CEP112: variants seen among roughly 807,000 people sequenced by gnomAD.
CEP112 encodes centrosomal protein 112.
Under a neutral mutation model 153.0 loss-of-function variants are expected in CEP112, and 127 were observed. The ratio of observed to expected loss-of-function variants is 0.83; its 90% CI spans 0.72 to 0.96. The LOEUF is 0.96. CEP112 is among the 40% of genes least tolerant of loss of function. The pLI, the probability that CEP112 is intolerant of heterozygous loss-of-function variation, is 0.00. For missense variants in CEP112, 1,089 were observed against 1,101.2 expected (o/e 0.99, Z 0.16); for synonymous variants, 358 against 374.4 (o/e 0.96, Z 0.51).
chr17:65,747,701 C>T (rs745792392), intron 22 of CEP112, among the ~76,000 whole-genome samples: 6 of 151,926 alleles, frequency 3.9e-5, no homozygotes, highest in Non-Finnish European at 7.4e-5. Context: ...GGGGGCGTGC[C>T]CAGAGATGAT....
In CEP112 at chr17:65,920,372, T is replaced by A. The variant is rs1316617585; in HGVS notation, c.1980+7210A>T. On this transcript the variant is annotated intron_variant, in intron 19 of 26. Transcript: ENST00000535342. ...AAAACAAACAAACAAAATATATATA[T>A]ATATATATATATATATATATATATA... 5.7e-4 allele frequency among the ~76,000 whole-genome samples: 42 copies of A among 73,120 alleles called. 1 individual carries two copies. The highest frequency in any genetic ancestry group is 2.6e-3 in the African/African-American group (40 of 15,556). The allele number at this position is 73,120 out of a possible 152,430, so 48.0% of individuals were successfully genotyped here.
chr17:65,844,806 G>A (rs1291013435), intron 21 of CEP112, among the ~76,000 whole-genome samples: 2 of 151,708 alleles, frequency 1.3e-5, no homozygotes, highest in Non-Finnish European at 2.9e-5. Context: ...ACGAGGTCAG[G>A]AGATCAAGAC....
At chr17:65,825,211 A>T (rs2056781137) in intron 21 of CEP112, among the ~76,000 whole-genome samples, 1 of 152,250 alleles carries the variant, frequency 6.6e-6, no homozygotes, top group African/African-American at 2.4e-5. Context: ...CATTATGGTA[A>T]GTGAAATAAG....
Position 66,053,849 on chromosome 17 carries a change from C to G in CEP112, c.1105G>C (p.Glu369Gln). 2 of 1,613,224 alleles carry G rather than the reference C, an allele frequency of 1.2e-6. No homozygotes were observed. The highest frequency in any genetic ancestry group is 1.7e-6 in the Non-Finnish European group (2 of 1,179,500). ...LHNAVAEMEQEKFDLQKQHTE... is the reference protein window; with the variant it reads ...LHNAVAEMEQQKFDLQKQHTE... ...TGTTGCTTTTGAAGATCAAACTTTT[C>G]CTGTTCCATTTCTGCTACAGCATTG... The change falls in exon 12 of 27, where the codon GAA becomes CAA. Residue 369 changes from glutamate (E) to glutamine (Q), a missense_variant. Physicochemically the swap from Glu to Gln is conservative, Grantham distance 29. Coordinates refer to ENST00000535342, the MANE Select transcript of CEP112 (RefSeq NM_001199165.4).
At chr17:65,935,528 G>A (rs891497066) in intron 18 of CEP112, among the ~76,000 whole-genome samples, 1 of 152,098 alleles carries the variant, frequency 6.6e-6, no homozygotes, top group South Asian at 2.1e-4. Context: ...TACAAAACAA[G>A]TCTTAACAAA....
chr17:65,986,250 C>A (rs1487256912), intron 17 of CEP112, among the ~76,000 whole-genome samples: 1 of 152,070 alleles, frequency 6.6e-6, no homozygotes, highest in African/African-American at 2.4e-5. Context: ...TGGGCAGAAT[C>A]TCCAACAACT....
intron 19 of CEP112, among the ~76,000 whole-genome samples, chr17:65,909,799 T>C (rs2060217570): frequency 6.6e-6 from 1 of 152,180 alleles, no homozygotes; most frequent in African/African-American, 2.4e-5. Context: ...GATTCTGACA[T>C]GGTTTGGTGA....
At chr17:66,104,808 G>A (rs2068713771) in intron 6 of CEP112, among the ~76,000 whole-genome samples, 1 of 151,950 alleles carries the variant, frequency 6.6e-6, no homozygotes, top group African/African-American at 2.4e-5. Context: ...CTTTTATCCT[G>A]GAATAGTATA....
intron 4 of CEP112, among the ~76,000 whole-genome samples, chr17:66,145,938 A>T (rs2070898497): frequency 6.6e-6 from 1 of 152,044 alleles, no homozygotes; most frequent in South Asian, 2.1e-4. Flanking sequence ...TAAAACTATG[A>T]TGAAATACAT....
intron 20 of CEP112, among the ~76,000 whole-genome samples, chr17:65,863,867 G>A (rs1437458442): frequency 6.6e-6 from 1 of 151,692 alleles, no homozygotes; most frequent in African/African-American, 2.4e-5. Context: ...TCCACGGCCA[G>A]GCACAGTGGC....
chr17:66,031,563 A>G (rs1161140021), intron 12 of CEP112, among the ~76,000 whole-genome samples: 2 of 148,736 alleles, frequency 1.3e-5, no homozygotes, highest in Non-Finnish European at 3.0e-5. Flanking sequence ...GGCTCAGGTG[A>G]TCCTCCCACC....
chr17:65,911,332 T>C (rs560238707), intron 19 of CEP112, among the ~76,000 whole-genome samples: 1 of 152,216 alleles, frequency 6.6e-6, no homozygotes, highest in Non-Finnish European at 1.5e-5. Flanking sequence ...TAAATAATAC[T>C]ATGGTTGACA....
intron 21 of CEP112, among the ~76,000 whole-genome samples, chr17:65,793,203 G>A (rs1046444610): frequency 6.6e-6 from 1 of 152,144 alleles, no homozygotes; most frequent in Non-Finnish European, 1.5e-5. Context: ...TCCATTGTTT[G>A]GGTAGTACAG....
chr17:66,169,743 T>TTA (rs750463453), intron 4 of CEP112, among the ~76,000 whole-genome samples: 8 of 152,142 alleles, frequency 5.3e-5, no homozygotes, highest in East Asian at 1.9e-4. Flanking sequence ...TAAACATGTA[T>TTA]TATATATATA....
chr17:65,747,507 G>C (rs756352557), intron 22 of CEP112, among the ~76,000 whole-genome samples: 1 of 152,164 alleles, frequency 6.6e-6, no homozygotes, highest in Non-Finnish European at 1.5e-5. Context: ...ATGGCCACTA[G>C]GTGACTAGGC....
intron 16 of CEP112, among the ~76,000 whole-genome samples, chr17:66,010,045 T>C (rs1309936979): frequency 6.6e-6 from 1 of 152,168 alleles, no homozygotes; most frequent in African/African-American, 2.4e-5. Flanking sequence ...TGTAAATTTT[T>C]TAGGGGAGTA....
intron 16 of CEP112, among the ~76,000 whole-genome samples, chr17:66,015,410 T>C (rs2064726805): frequency 6.6e-6 from 1 of 152,222 alleles, no homozygotes; most frequent in East Asian, 1.9e-4. Context: ...TTTGATCTTT[T>C]GCTTATCCTT....
At position 66,175,177 on chromosome 17, in the gene CEP112, C is replaced by G. The variant is rs771544101; in HGVS notation, c.337G>C (p.Gly113Arg). 2 of 1,606,374 alleles carry G rather than the reference C, an allele frequency of 1.2e-6. No homozygotes were observed. Among genetic ancestry groups the G allele is most frequent in the South Asian group, 2.2e-5 (2 of 89,400 alleles). ...FDEPNPARAK[G>R]SSPEGLPAWV... Reference sequence around the variant, plus strand: ...GCTGGTAATCCCTCTGGGCTTGAACCTTTTGCTCGTGCTGGATTTGGTTCA... The same window carrying G: ...GCTGGTAATCCCTCTGGGCTTGAACGTTTTGCTCGTGCTGGATTTGGTTCA... The change falls in exon 4 of 27, where the codon GGT (glycine) becomes CGT (arginine). Residue 113 changes from glycine (G) to arginine (R), a missense_variant. Gly to Arg is a moderately radical substitution (Grantham distance 125, BLOSUM62 -2). Transcript: ENST00000535342.
At chr17:65,777,199 C>T (rs1262807777) in intron 21 of CEP112, among the ~76,000 whole-genome samples, 1 of 152,168 alleles carries the variant, frequency 6.6e-6, no homozygotes, top group Non-Finnish European at 1.5e-5. Flanking sequence ...CTTCCCACTC[C>T]TCATTCTGAT....
Sources: gnomAD v4.1 joint callset for allele counts (sites outside exome capture counted in the v4.1 genomes callset) on GRCh38, gnomAD v4.1.1 for gene constraint, MANE v1.5 for transcripts, NCBI Gene and HGNC (gene_info 2026-07-23, HGNC 2026-07-21) for gene names.